Variants in NCOA2 observed in about 807,000 individuals in gnomAD.
The protein encoded by NCOA2 is nuclear receptor coactivator 2.
Under a neutral mutation model 145.1 loss-of-function variants are expected in NCOA2, and 21 were observed. The ratio of observed to expected loss-of-function variants is 0.14; its 90% confidence interval spans 0.10 to 0.21. The LOEUF is 0.21. Among genes scored for constraint, NCOA2 ranks in the 10% least tolerant of loss-of-function variants. NCOA2 has a pLI of 1.00. For missense variants in NCOA2, 1,472 were observed against 1,837.6 expected (o/e 0.80, Z 3.64); for synonymous variants, 619 against 637.5 (o/e 0.97, Z 0.44).
chr8:70,386,913 TTA>T (rs1379600854), intron 1 of NCOA2, among the ~76,000 whole-genome samples: 2 of 151,050 alleles, frequency 1.3e-5, no homozygotes, highest in African/African-American at 2.5e-5. Context: ...TTTAATATTT[TTA>T]GTTTTTTTTT....
At chr8:70,388,143 G>C (rs1812841259) in intron 1 of NCOA2, among the ~76,000 whole-genome samples, 1 of 150,638 alleles carries the variant, frequency 6.6e-6, no homozygotes, top group Admixed American at 6.6e-5. Context: ...AGAACTCCCT[G>C]ATTCAGAACT....
At chr8:70,379,404 A>T (rs1811979838) in intron 1 of NCOA2, among the ~76,000 whole-genome samples, 1 of 152,184 alleles carries the variant, frequency 6.6e-6, no homozygotes, top group African/African-American at 2.4e-5. Flanking sequence ...CCTAATAAAG[A>T]TTTAATATCA....
Position 70,222,595 on chromosome 8 carries a change from T to C in NCOA2, c.-19-5831A>G, listed in dbSNP as rs542774383. The stretch of plus-strand genomic sequence containing the variant: ...TCTGACTGAAAGCCAATAATACTCA[T>C]GAATTTTTTAGCTGAAAGACACTTC... On this transcript the variant is annotated intron_variant, in intron 2 of 22. Transcript: ENST00000452400. 2.6e-5 allele frequency among the ~76,000 whole-genome samples: 4 copies of C among 152,318 alleles called. No homozygotes were observed. In the South Asian group the frequency reaches 8.3e-4, roughly 32 times the overall value.
At chr8:70,357,031 G>A (rs1809764821) in intron 1 of NCOA2, among the ~76,000 whole-genome samples, 1 of 151,920 alleles carries the variant, frequency 6.6e-6, no homozygotes, top group African/African-American at 2.4e-5. Flanking sequence ...ATAAATCTTT[G>A]TTTCCTCCAC....
At chr8:70,319,244 T>C (rs1293172465) in intron 1 of NCOA2, among the ~76,000 whole-genome samples, 1 of 152,062 alleles carries the variant, frequency 6.6e-6, no homozygotes, top group Non-Finnish European at 1.5e-5. Flanking sequence ...CTGAAATTTA[T>C]AAAGAGCTCT....
At chr8:70,194,001 G>T (rs538647747) in intron 4 of NCOA2, among the ~76,000 whole-genome samples, 1 of 152,308 alleles carries the variant, frequency 6.6e-6, no homozygotes, top group Non-Finnish European at 1.5e-5. Flanking sequence ...AAAAAAGACA[G>T]CTCCAACTGG....
intron 1 of NCOA2, among the ~76,000 whole-genome samples, chr8:70,354,772 T>C (rs1809534916): frequency 6.6e-6 from 1 of 152,240 alleles, no homozygotes; most frequent in Non-Finnish European, 1.5e-5. Context: ...ATGAAAAATA[T>C]GTTTGCATAA....
chr8:70,211,468 A>C (rs1273228857), intron 4 of NCOA2, among the ~76,000 whole-genome samples: 1 of 152,094 alleles, frequency 6.6e-6, no homozygotes, highest in South Asian at 2.1e-4. Context: ...AAAAAAAGAA[A>C]AAAAAAGAAA....
At chr8:70,379,894 G>C (rs1465302375) in intron 1 of NCOA2, among the ~76,000 whole-genome samples, 1 of 152,016 alleles carries the variant, frequency 6.6e-6, no homozygotes, top group Non-Finnish European at 1.5e-5. Context: ...ATGACGCATG[G>C]CTGATTATAA....
At chr8:70,280,989 T>C (rs1192167078) in intron 2 of NCOA2, among the ~76,000 whole-genome samples, 2 of 150,918 alleles carry the variant, frequency 1.3e-5, no homozygotes, top group African/African-American at 2.4e-5. Flanking sequence ...GAAGATGTGG[T>C]GTACACATCT....
At chr8:70,377,613 T>C (rs1033883009) in intron 1 of NCOA2, among the ~76,000 whole-genome samples, 2 of 152,182 alleles carry the variant, frequency 1.3e-5, no homozygotes, top group Admixed American at 6.5e-5. Flanking sequence ...TTTATGCTAC[T>C]GCCTGATGAT....
At chr8:70,374,657 G>T (rs1344101741) in intron 1 of NCOA2, among the ~76,000 whole-genome samples, 1 of 151,436 alleles carries the variant, frequency 6.6e-6, no homozygotes, top group African/African-American at 2.4e-5. Context: ...TTAAAAATTA[G>T]CTGGGGCAAT....
At chr8:70,272,752 T>C (rs998846247) in intron 2 of NCOA2, among the ~76,000 whole-genome samples, 2 of 152,200 alleles carry the variant, frequency 1.3e-5, no homozygotes, top group Non-Finnish European at 2.9e-5. Context: ...ATGTTAGATA[T>C]AACATTAGGC....
intron 2 of NCOA2, among the ~76,000 whole-genome samples, chr8:70,239,265 T>C (rs2926714): frequency 0.89 from 136,139 of 152,146 alleles, 61,356 homozygotes; most frequent in African/African-American, 0.95. Context: ...GGCCTTGCAA[T>C]GGCAACTGAA....
chr8:70,256,428 G>A (rs1823637294), intron 2 of NCOA2, among the ~76,000 whole-genome samples: 2 of 152,194 alleles, frequency 1.3e-5, no homozygotes, highest in Non-Finnish European at 2.9e-5. Context: ...TGGGACCACA[G>A]CTGCCTTACC....
At chr8:70,313,049 T>C (rs555369259) in intron 1 of NCOA2, among the ~76,000 whole-genome samples, 30 of 152,314 alleles carry the variant, frequency 2.0e-4, no homozygotes, top group African/African-American at 7.0e-4. Flanking sequence ...ATTACAGAGA[T>C]CTGTATCTAA....
intron 2 of NCOA2, among the ~76,000 whole-genome samples, chr8:70,221,740 AAGG>A (rs1820152276): frequency 1.3e-5 from 2 of 152,346 alleles, no homozygotes; most frequent in Admixed American, 1.3e-4. Flanking sequence ...CAGACTACTC[AAGG>A]ATATAATGTT....
At chr8:70,402,866 G>C (rs1241419574) in intron 1 of NCOA2, among the ~76,000 whole-genome samples, 2 of 142,908 alleles carry the variant, frequency 1.4e-5, no homozygotes, top group Non-Finnish European at 3.1e-5. Context: ...GCGCCGCCGG[G>C]GCCCGGCCCC....
chr8:70,125,466 T>C (rs1808309880), intron 19 of NCOA2, among the ~76,000 whole-genome samples: 1 of 152,154 alleles, frequency 6.6e-6, no homozygotes, highest in Non-Finnish European at 1.5e-5. Flanking sequence ...TCTCACTATG[T>C]TGCTCAGGCT....
Sources: allele counts gnomAD v4.1 joint callset (sites outside exome capture counted in the v4.1 genomes callset), GRCh38; gene constraint gnomAD v4.1.1; transcripts MANE v1.5; gene names NCBI Gene and HGNC (gene_info 2026-07-23, HGNC 2026-07-21).